The following TSPAN9 variants were observed in gnomAD, a reference collection of about 807,000 sequenced individuals.
TSPAN9 encodes the protein tetraspanin 9.
In TSPAN9, 16 loss-of-function variants were observed where a neutral mutation model predicts 31.0. The ratio of observed to expected loss-of-function variants is 0.52; its 90% CI spans 0.35 to 0.78. The LOEUF is 0.78. TSPAN9 is among the 30% of genes least tolerant of loss of function. The probability of loss-of-function intolerance (pLI) is 0.01; values close to 1 mark genes in which losing one functional copy is unlikely to be tolerated. For synonymous variants in TSPAN9, 145 were observed against 121.6 expected, an observed-to-expected ratio of 1.19 and a Z score of -1.27; for missense variants, 272 against 312.5, an observed-to-expected ratio of 0.87 and a Z score of 0.98.
intron 3 of TSPAN9, among the ~76,000 whole-genome samples, chr12:3,256,357 G>A (rs1862344416): frequency 6.6e-6 from 1 of 152,240 alleles, no homozygotes; most frequent in Admixed American, 6.5e-5. Flanking sequence ...CTTAGGACCA[G>A]GGAAGGCACT....
chr12:3,263,833 G>C (rs1175918605), intron 3 of TSPAN9, among the ~76,000 whole-genome samples: 1 of 152,204 alleles, frequency 6.6e-6, no homozygotes, highest in Admixed American at 6.5e-5. Flanking sequence ...AAGAGGTGGG[G>C]CTTCAGCTGG....
At chr12:3,218,959 C>A (rs1365269611) in intron 3 of TSPAN9, among the ~76,000 whole-genome samples, 1 of 152,196 alleles carries the variant, frequency 6.6e-6, no homozygotes, top group African/African-American at 2.4e-5. Context: ...GACATGTCAG[C>A]TGTCAGGGCC....
chr12:3,105,986 ACT>A (rs2098314454), intron 2 of TSPAN9, among the ~76,000 whole-genome samples: 1 of 151,404 alleles, frequency 6.6e-6, no homozygotes, highest in Admixed American at 6.6e-5. Context: ...TGCAGCGCAC[ACT>A]CAGTCTTGCA....
intron 2 of TSPAN9, among the ~76,000 whole-genome samples, chr12:3,135,194 C>G (rs2098331557): frequency 6.6e-6 from 1 of 152,166 alleles, no homozygotes; most frequent in Admixed American, 6.5e-5. Context: ...AGCAATCCTC[C>G]CACCTTGGCC....
At chr12:3,208,164 A>G (rs186322815) in intron 3 of TSPAN9, among the ~76,000 whole-genome samples, 1 of 152,330 alleles carries the variant, frequency 6.6e-6, no homozygotes, top group East Asian at 1.9e-4. Context: ...ACAGGAAGTT[A>G]GGTGCCCACG....
chr12:3,206,593 TG>T (rs1245001114), intron 3 of TSPAN9, among the ~76,000 whole-genome samples: 2 of 150,548 alleles, frequency 1.3e-5, no homozygotes, highest in Non-Finnish European at 2.9e-5. Context: ...TGTTTTGTTT[TG>T]TTTTTTTTTT....
At chr12:3,100,633 G>T (rs545187635) in intron 2 of TSPAN9, among the ~76,000 whole-genome samples, 1 of 152,270 alleles carries the variant, frequency 6.6e-6, no homozygotes, top group East Asian at 1.9e-4. Context: ...GCTTTACCAG[G>T]GCTGTCCCCG....
intron 3 of TSPAN9, among the ~76,000 whole-genome samples, chr12:3,261,522 A>G (rs1053224893): frequency 2.0e-5 from 3 of 152,178 alleles, no homozygotes; most frequent in African/African-American, 7.2e-5. Flanking sequence ...GAATAGATGG[A>G]GAACTGCGTC....
intron 3 of TSPAN9, among the ~76,000 whole-genome samples, chr12:3,258,573 A>T: frequency 6.6e-6 from 1 of 151,578 alleles, no homozygotes; most frequent in East Asian, 2.0e-4. Context: ...TTGAGACCAC[A>T]ATGTCAGGCA....
intron 1 of TSPAN9, among the ~76,000 whole-genome samples, chr12:3,079,664 G>A (rs1049154180): frequency 5.3e-5 from 8 of 151,994 alleles, no homozygotes; most frequent in African/African-American, 1.4e-4. Flanking sequence ...GTTTCGCCAT[G>A]TTGGCCAGAC....
At chr12:3,094,862 T>G (rs1424483034) in intron 2 of TSPAN9, among the ~76,000 whole-genome samples, 4 of 110,368 alleles carry the variant, frequency 3.6e-5, no homozygotes, top group African/African-American at 8.6e-5. Flanking sequence ...TTTTTTTTTT[T>G]TTTTTTTGTT....
intron 2 of TSPAN9, among the ~76,000 whole-genome samples, chr12:3,127,909 G>A (rs1188340071): frequency 6.6e-6 from 1 of 152,152 alleles, no homozygotes; most frequent in Non-Finnish European, 1.5e-5. Flanking sequence ...TACAGGCTTG[G>A]TGGCATGCCC....
intron 2 of TSPAN9, among the ~76,000 whole-genome samples, chr12:3,122,826 C>A (rs1264326965): frequency 1.3e-5 from 2 of 152,204 alleles, no homozygotes; most frequent in African/African-American, 4.8e-5. Context: ...TTTTCCTACA[C>A]CTTGGTTTCT....
chr12:3,139,046 G>A (rs1472914658), intron 2 of TSPAN9, among the ~76,000 whole-genome samples: 2 of 150,224 alleles, frequency 1.3e-5, no homozygotes, highest in African/African-American at 4.9e-5. Flanking sequence ...CTCCCTACAC[G>A]CTGTGCCCCA....
chr12:3,196,362 C>T (rs2098367089), intron 2 of TSPAN9, among the ~76,000 whole-genome samples: 1 of 152,200 alleles, frequency 6.6e-6, no homozygotes, highest in Admixed American at 6.5e-5. Flanking sequence ...CATCTAATGA[C>T]ATCACATCAG....
intron 3 of TSPAN9, among the ~76,000 whole-genome samples, chr12:3,219,525 A>G (rs2098383184): frequency 6.6e-6 from 1 of 152,202 alleles, no homozygotes; most frequent in African/African-American, 2.4e-5. Flanking sequence ...TCAGGAGCCA[A>G]GAGTCAGCCA....
intron 3 of TSPAN9, among the ~76,000 whole-genome samples, chr12:3,266,823 C>T (rs1028339231): frequency 1.3e-5 from 2 of 152,190 alleles, no homozygotes; most frequent in Non-Finnish European, 1.5e-5. Context: ...AGGCTGTGGG[C>T]ACAGGATCCC....
intron 2 of TSPAN9, among the ~76,000 whole-genome samples, chr12:3,089,353 G>A (rs1380552406): frequency 3.5e-5 from 5 of 144,562 alleles, no homozygotes; most frequent in Admixed American, 2.1e-4. Flanking sequence ...CTGGAGTGCA[G>A]TGGCGTGATC....
At chr12:3,082,198 C>T (rs1447953218) in intron 1 of TSPAN9, among the ~76,000 whole-genome samples, 1 of 152,170 alleles carries the variant, frequency 6.6e-6, no homozygotes, top group South Asian at 2.1e-4. Flanking sequence ...TGAGGAGCAC[C>T]ATTGCATGCA....
Sources: allele counts gnomAD v4.1 joint callset (sites outside exome capture counted in the v4.1 genomes callset), GRCh38; gene constraint gnomAD v4.1.1; transcripts MANE v1.5; gene names NCBI Gene and HGNC (gene_info 2026-07-23, HGNC 2026-07-21).